The following CDH13 variants were observed in gnomAD, a reference collection of about 807,000 sequenced individuals.
CDH13 encodes the protein cadherin-13.
CDH13 carries 24 observed loss-of-function variants against 63.8 expected under a neutral mutation model. The ratio of observed to expected loss-of-function variants is 0.38; its 90% CI spans 0.27 to 0.53. The LOEUF (loss-of-function observed/expected upper bound fraction) is 0.53. CDH13 is among the 20% of genes least tolerant of loss of function. The pLI, the probability that CDH13 is intolerant of heterozygous loss-of-function variation, is 0.85. For missense variants in CDH13, 1,049 were observed against 903.1 expected, an observed-to-expected ratio of 1.16 and a Z score of -2.07; for synonymous variants, 503 against 355.3, an observed-to-expected ratio of 1.42 and a Z score of -4.67.
At chr16:82,876,263 T>C (rs1489519105) in intron 2 of CDH13, among the ~76,000 whole-genome samples, 1 of 152,254 alleles carries the variant, frequency 6.6e-6, no homozygotes, top group Non-Finnish European at 1.5e-5. Flanking sequence ...TCATTACTTG[T>C]ATCTCTGCCA....
chr16:82,905,738 T>G (rs893993559), intron 2 of CDH13, among the ~76,000 whole-genome samples: 1 of 152,220 alleles, frequency 6.6e-6, no homozygotes, highest in Non-Finnish European at 1.5e-5. Context: ...GTAATCAATA[T>G]GATAAATTAT....
chr16:83,078,533 AT>A (rs1448963296), intron 3 of CDH13, among the ~76,000 whole-genome samples: 1 of 152,194 alleles, frequency 6.6e-6, no homozygotes, highest in Admixed American at 6.5e-5. Context: ...TCAGGCAGTA[AT>A]GCTCACTTGT....
intron 3 of CDH13, among the ~76,000 whole-genome samples, chr16:83,084,705 A>G (rs138187236): frequency 0.011 from 1,634 of 152,178 alleles, 32 homozygotes; most frequent in African/African-American, 0.038. Flanking sequence ...CCTGGCCAAC[A>G]TGGTGAAACC....
intron 2 of CDH13, among the ~76,000 whole-genome samples, chr16:82,998,746 T>C (rs1290532372): frequency 6.6e-6 from 1 of 152,092 alleles, no homozygotes; most frequent in East Asian, 1.9e-4. Context: ...GAATAACATA[T>C]ACATATAAGC....
chr16:83,576,978 A>G (rs1161414469), intron 7 of CDH13, among the ~76,000 whole-genome samples: 2 of 152,144 alleles, frequency 1.3e-5, no homozygotes, highest in East Asian at 1.9e-4. Context: ...TGTCCACTTC[A>G]TTGTATTTTT....
chr16:83,156,761 T>C (rs1243668536), intron 4 of CDH13, among the ~76,000 whole-genome samples: 1 of 152,204 alleles, frequency 6.6e-6, no homozygotes, highest in Non-Finnish European at 1.5e-5. Context: ...CCATAAATCC[T>C]ATGCTCCTTT....
chr16:83,507,763 G>A (rs1247503271), intron 7 of CDH13, among the ~76,000 whole-genome samples: 3 of 152,054 alleles, frequency 2.0e-5, no homozygotes, highest in South Asian at 2.1e-4. Context: ...GGGCAGGTGC[G>A]GTGGCTCATG....
intron 7 of CDH13, among the ~76,000 whole-genome samples, chr16:83,570,195 T>C (rs1739849578): frequency 1.3e-5 from 2 of 152,212 alleles, no homozygotes; most frequent in African/African-American, 4.8e-5. Context: ...TAACTCATGC[T>C]GTTGATTTCA....
chr16:83,792,752 G>T (rs1385207229), intron 13 of CDH13, among the ~76,000 whole-genome samples: 1 of 138,334 alleles, frequency 7.2e-6, no homozygotes, highest in Non-Finnish European at 1.7e-5. Flanking sequence ...AACATCAATG[G>T]CTTTTGCCCA....
chr16:83,600,632 G>C (rs535516524), intron 7 of CDH13, among the ~76,000 whole-genome samples: 25 of 152,266 alleles, frequency 1.6e-4, no homozygotes, highest in African/African-American at 6.0e-4. Context: ...GGTATAACCA[G>C]CTGTTTTTGA....
intron 5 of CDH13, among the ~76,000 whole-genome samples, chr16:83,338,260 A>T (rs1421126768): frequency 6.6e-6 from 1 of 151,972 alleles, no homozygotes; most frequent in Non-Finnish European, 1.5e-5. Context: ...CTTCTTCATC[A>T]TTTAAGGCTA....
intron 7 of CDH13, among the ~76,000 whole-genome samples, chr16:83,498,616 A>C (rs939116149): frequency 6.6e-6 from 1 of 152,242 alleles, no homozygotes; most frequent in Non-Finnish European, 1.5e-5. Context: ...TGCCCTGGTT[A>C]CAGAGATAGA....
intron 2 of CDH13, among the ~76,000 whole-genome samples, chr16:82,947,702 T>A (rs1214070697): frequency 6.6e-6 from 1 of 152,200 alleles, no homozygotes; most frequent in Non-Finnish European, 1.5e-5. Flanking sequence ...CTTGCAAGTT[T>A]GGGAGTAGGG....
At chr16:83,623,341 T>C (rs888010406) in intron 8 of CDH13, among the ~76,000 whole-genome samples, 1 of 152,108 alleles carries the variant, frequency 6.6e-6, no homozygotes, top group Non-Finnish European at 1.5e-5. Context: ...ACTTGGGCCC[T>C]TTCAGCGCCT....
chr16:83,538,331 C>T (rs1444788593), intron 7 of CDH13, among the ~76,000 whole-genome samples: 1 of 152,164 alleles, frequency 6.6e-6, no homozygotes, highest in Non-Finnish European at 1.5e-5. Context: ...TCACTGTCCC[C>T]TGAAGCAGTC....
chr16:83,419,735 C>T lies in CDH13; in HGVS notation c.782-66742C>T, dbSNP rs113935756. Among the ~76,000 whole-genome samples the T allele has an allele frequency of 4.4e-3, 677 of 152,316 alleles. 5 individuals carry two copies. The highest frequency in any genetic ancestry group is 0.016 in the African/African-American group (647 of 41,562). The stretch of plus-strand genomic sequence containing the variant: ...CAAGGCATTCCCATAAGTGTACTGG[C>T]ATTGTGGTTATATACTATGAAATAT... On this transcript the variant is annotated intron_variant, in intron 6 of 13. Coordinates refer to ENST00000567109, the MANE Select transcript of CDH13 (RefSeq NM_001257.5).
intron 1 of CDH13, among the ~76,000 whole-genome samples, chr16:82,815,115 G>T (rs1048828018): frequency 6.6e-6 from 1 of 151,784 alleles, no homozygotes; most frequent in African/African-American, 2.4e-5. Context: ...TGAAAACATC[G>T]TTCATGACCC....
chr16:82,814,151 C>G (rs1033829365), intron 1 of CDH13, among the ~76,000 whole-genome samples: 2 of 152,086 alleles, frequency 1.3e-5, no homozygotes, highest in Non-Finnish European at 2.9e-5. Flanking sequence ...GTCTCTGCCC[C>G]CAGTTCTAAT....
chr16:83,422,209 C>T (rs1220035661), intron 6 of CDH13, among the ~76,000 whole-genome samples: 3 of 152,226 alleles, frequency 2.0e-5, no homozygotes, highest in East Asian at 1.9e-4. Context: ...TACTATTTTT[C>T]GTAAGTTGTA....
Sources: gnomAD v4.1 joint callset for allele counts (sites outside exome capture counted in the v4.1 genomes callset) on GRCh38, gnomAD v4.1.1 for gene constraint, MANE v1.5 for transcripts, NCBI Gene and HGNC (gene_info 2026-07-23, HGNC 2026-07-21) for gene names.